Variants in SMG1 observed in about 807,000 individuals in gnomAD.
The protein encoded by SMG1 is serine/threonine-protein kinase SMG1.
In SMG1, 22 loss-of-function variants were observed where a neutral mutation model predicts 419.9. The ratio of observed to expected loss-of-function variants is 0.05; its 90% confidence interval spans 0.04 to 0.07. The LOEUF (loss-of-function observed/expected upper bound fraction) is 0.07. Among genes scored for constraint, SMG1 ranks in the 10% least tolerant of loss-of-function variants. SMG1 has a pLI of 1.00. For missense variants in SMG1, 3,185 were observed against 4,342.0 expected (o/e 0.73, Z 7.49); for synonymous variants, 1,538 against 1,553.5 (o/e 0.99, Z 0.23).
At chr16:18,880,758 G>A (rs1203794620) in intron 10 of SMG1, among the ~76,000 whole-genome samples, 1 of 148,398 alleles carries the variant, frequency 6.7e-6, no homozygotes, top group Non-Finnish European at 1.5e-5. Context: ...TCTTGGCCAT[G>A]CACAGTGGCT....
chr16:18,851,097 A>C (rs917936384), intron 33 of SMG1, among the ~76,000 whole-genome samples: 5 of 152,190 alleles, frequency 3.3e-5, no homozygotes, highest in African/African-American at 9.6e-5. Flanking sequence ...CAAAAGTTTG[A>C]AGCTGAATGT....
chr16:18,809,364 T>C lies in SMG1; in HGVS notation c.*205A>G. 2 of 545,598 alleles carry C rather than the reference T, an allele frequency of 3.7e-6. No homozygotes were observed. Among genetic ancestry groups the C allele is most frequent in the Admixed American group, 6.3e-5 (2 of 31,998 alleles). The allele number at this position is 545,598 out of a possible 1,614,324, so 33.8% of individuals were successfully genotyped here. ...TTTCCTTCACCCTTGACCCTGGGGT[T>C]GCAGGCCATGGTGTTGGGCGTATCC... is the stretch of plus-strand genomic sequence containing the variant. On this transcript the variant is annotated 3_prime_UTR_variant, in exon 63 of 63. Transcript: ENST00000446231.
intron 1 of SMG1, among the ~76,000 whole-genome samples, chr16:18,912,177 C>T (rs1233139267): frequency 6.8e-6 from 1 of 146,566 alleles, no homozygotes; most frequent in Non-Finnish European, 1.5e-5. Flanking sequence ...AATGCTAAAA[C>T]AGCGGGTGGA....
intron 3 of SMG1, among the ~76,000 whole-genome samples, chr16:18,895,807 C>T (rs540799684): frequency 1.6e-4 from 24 of 152,248 alleles, no homozygotes; most frequent in Admixed American, 4.6e-4. Context: ...CATTCAATAT[C>T]CACGATAATT....
chr16:18,908,932 G>A (rs1298399646), intron 1 of SMG1, among the ~76,000 whole-genome samples: 1 of 151,344 alleles, frequency 6.6e-6, no homozygotes, highest in Non-Finnish European at 1.5e-5. Context: ...CCTGAAAATA[G>A]ATAATAACTG....
At chr16:18,855,462 C>G (rs573221470) in intron 29 of SMG1, among the ~76,000 whole-genome samples, 6 of 152,292 alleles carry the variant, frequency 3.9e-5, no homozygotes, top group Admixed American at 6.5e-5. Context: ...TCACCCAGAC[C>G]TGATATCTGA....
At chr16:18,920,307 G>A (rs568107276) in intron 1 of SMG1, among the ~76,000 whole-genome samples, 119 of 151,558 alleles carry the variant, frequency 7.9e-4, no homozygotes, top group Non-Finnish European at 1.3e-3. Context: ...GCTTGTACCT[G>A]GGAGGTGGAG....
rs2034806203 is a variant in SMG1 at position 18,854,796 on chromosome 16, C to T, written c.4343G>A (p.Cys1448Tyr). ...GGTCTTTCCCAGCTGAACTTCACTG[C>T]ACTGTGCCAGCAGTCTTGTTGCAAG... ...VSLATRLLAQ[C>Y]SEVQLGKTTT... is the part of the protein sequence containing the mutation. Residue 1448 changes from cysteine to tyrosine, a missense_variant, in exon 30 of 63, where the codon TGC (cysteine) becomes TAC (tyrosine). This residue lies in a region of SMG1 where 493 missense variants were observed against 552.9 expected (regional missense o/e 0.89). Coordinates refer to ENST00000446231, the MANE Select transcript of SMG1 (RefSeq NM_015092.5). 2.5e-6 allele frequency: 4 copies of T among 1,613,912 alleles called. No individual in the cohort carries two copies. Among genetic ancestry groups the T allele is most frequent in the Non-Finnish European group, 3.4e-6 (4 of 1,179,912 alleles).
At chr16:18,887,708 A>C (rs975068721) in intron 6 of SMG1, among the ~76,000 whole-genome samples, 1 of 122,002 alleles carries the variant, frequency 8.2e-6, no homozygotes, top group Non-Finnish European at 1.7e-5. Context: ...CATTCCTTAT[A>C]TTTCCTTTAT....
chr16:18,862,638 C>T (rs1259713007), intron 25 of SMG1, among the ~76,000 whole-genome samples: 1 of 152,150 alleles, frequency 6.6e-6, no homozygotes. Flanking sequence ...GGTCTCCATG[C>T]TTCCATACTT....
rs763451243 is a variant in SMG1 at position 18,816,517 on chromosome 16, C to T, written c.10087G>A (p.Glu3363Lys). The T allele has an allele frequency of 2.5e-6, 4 of 1,613,836 alleles. No homozygotes were observed. The South Asian group carries it at 4.4e-5, about 18-fold the overall frequency. The change falls in exon 58 of 63, where the codon GAA becomes AAA. Residue 3363 changes from glutamate to lysine, a missense_variant. Around this residue, in one of 27 missense-constraint regions of SMG1, gnomAD observed 737 missense variants for 846.6 expected, o/e 0.87. Coordinates refer to ENST00000446231, the MANE Select transcript of SMG1 (RefSeq NM_015092.5). ...CATTCAGAGCTGCCAATAGGATGTTCAAGACCAGTGTCCTAAATAGAACAA... is the reference window on the plus strand; with the variant it reads ...CATTCAGAGCTGCCAATAGGATGTTTAAGACCAGTGTCCTAAATAGAACAA... ...RLLQRVDTGL[E>K]HPIGSSEWLL...
At chr16:18,844,713 T>C (rs1194845491) in intron 39 of SMG1, among the ~76,000 whole-genome samples, 1 of 151,966 alleles carries the variant, frequency 6.6e-6, no homozygotes, top group East Asian at 1.9e-4. Flanking sequence ...ACTTTTTGTT[T>C]CTACATGTAT....
At chr16:18,901,717 G>A (rs1176711544) in intron 1 of SMG1, among the ~76,000 whole-genome samples, 2 of 152,154 alleles carry the variant, frequency 1.3e-5, no homozygotes, top group Non-Finnish European at 2.9e-5. Context: ...GCTCACACCT[G>A]TAATCCCAGC....
Position 18,903,351 on chromosome 16 carries a change from C to T in SMG1, c.93-6395G>A, listed in dbSNP as rs144136556. ...TTCAGAGAAAAGCTGAAGAAAGTAC[C>T]CCCTCACATCCATGCCCCAGTGCTC... On this transcript the variant is annotated intron_variant, in intron 1 of 62. Transcript: ENST00000446231. Among the ~76,000 whole-genome samples the T allele has an allele frequency of 3.4e-3, 511 of 152,198 alleles. 2 individuals are homozygous for T. The highest frequency in any genetic ancestry group is 4.8e-3 in the Non-Finnish European group (326 of 68,016).
chr16:18,845,841 G>A (rs754204591), intron 38 of SMG1, among the ~76,000 whole-genome samples, 190 bp from the exon 39 acceptor site: 6 of 151,672 alleles, frequency 4.0e-5, no homozygotes, highest in African/African-American at 1.5e-4. Context: ...TTTGGAGACA[G>A]AGTTTTGCTC....
intron 39 of SMG1, among the ~76,000 whole-genome samples, chr16:18,843,725 A>C (rs116977614): frequency 1.1e-4 from 16 of 152,346 alleles, no homozygotes; most frequent in Non-Finnish European, 1.5e-4. Context: ...TCTCATTCGT[A>C]GAAGTTCAAA....
intron 1 of SMG1, among the ~76,000 whole-genome samples, chr16:18,907,256 T>G (rs567847878): frequency 1.3e-5 from 2 of 151,700 alleles, no homozygotes; most frequent in East Asian, 3.9e-4. Flanking sequence ...CACTCCAGCC[T>G]GGGCAACGAG....
rs547471244 is a variant in SMG1, at chr16:18,920,701, G to C, written c.92+5249C>G. Among the ~76,000 whole-genome samples the C allele has an allele frequency of 1.6e-4, 24 of 151,974 alleles. 1 individual carries two copies. The East Asian group carries it at 4.7e-3, about 30-fold the overall frequency. On this transcript the variant is annotated intron_variant, in intron 1 of 62. Coordinates refer to ENST00000446231, the MANE Select transcript of SMG1 (RefSeq NM_015092.5). ...AACAAAAAAAAATAAAGTAGCTGGG[G>C]GTGGTGACATGCACGTGTGGTCCCA...
Position 18,896,846 on chromosome 16 carries a change from C to T in SMG1, c.203G>A (p.Arg68Gln), listed in dbSNP as rs967136441. 4 of 1,608,960 alleles carry T rather than the reference C, an allele frequency of 2.5e-6. No homozygotes were observed. The highest frequency in any genetic ancestry group is 3.3e-5 in the Admixed American group (2 of 59,800). The change falls in exon 2 of 63, where the codon CGG (arginine) becomes CAG (glutamine). Residue 68 changes from arginine (R) to glutamine (Q), a missense_variant. Arg to Gln is a conservative substitution (Grantham distance 43). Coordinates refer to ENST00000446231, the MANE Select transcript of SMG1 (RefSeq NM_015092.5). ...LQPSNSAVVSRQRHDDTRVHA... is the reference protein window; with the variant it reads ...LQPSNSAVVSQQRHDDTRVHA... Reference sequence around the variant, plus strand: ...GACTCTGGTATCATCGTGCCTTTGCCGAGACACCACAGCTGAATTTGAAGG... The same window carrying T: ...GACTCTGGTATCATCGTGCCTTTGCTGAGACACCACAGCTGAATTTGAAGG...
Sources: allele counts gnomAD v4.1 joint callset (sites outside exome capture counted in the v4.1 genomes callset), GRCh38; gene constraint gnomAD v4.1.1; regional missense constraint gnomAD v4.1.1; transcripts MANE v1.5; gene names NCBI Gene and HGNC (gene_info 2026-07-23, HGNC 2026-07-21).